ANK3: variants seen among roughly 807,000 people sequenced by gnomAD.
ANK3 encodes ankyrin-3.
In ANK3, 57 loss-of-function variants were observed where a neutral mutation model predicts 370.9. The observed-to-expected ratio is 0.15, with a 90% CI of 0.12 to 0.19. The LOEUF (loss-of-function observed/expected upper bound fraction) is 0.19, where lower values mean the gene tolerates loss of function less well. Among genes scored for constraint, ANK3 ranks in the 10% least tolerant of loss-of-function variants. The pLI, the probability that ANK3 is intolerant of heterozygous loss-of-function variation, is 1.00. For missense variants in ANK3, 4,439 were observed against 5,302.1 expected, an observed-to-expected ratio of 0.84 and a Z score of 5.06; for synonymous variants, 1,929 against 1,946.3, an observed-to-expected ratio of 0.99 and a Z score of 0.23.
At chr10:60,326,822 C>A (rs1255964279) in intron 1 of ANK3, among the ~76,000 whole-genome samples, 1 of 152,124 alleles carries the variant, frequency 6.6e-6, no homozygotes, top group Non-Finnish European at 1.5e-5. Context: ...GCTATCGAGA[C>A]CATCCTGGCT....
At chr10:60,247,582 GATATT>G (rs1461749882) in intron 7 of ANK3, among the ~76,000 whole-genome samples, 1 of 152,180 alleles carries the variant, frequency 6.6e-6, no homozygotes, top group African/African-American at 2.4e-5. Context: ...GACTACTATA[GATATT>G]ATAGATACCT....
At chr10:60,081,950 G>T in intron 35 of ANK3, 200 bp downstream of exon 35, 2 of 409,272 alleles carry the variant, frequency 4.9e-6, no homozygotes, top group Non-Finnish European at 8.6e-6. Flanking sequence ...TTATAATTTC[G>T]TTGAATATAT....
intron 1 of ANK3, among the ~76,000 whole-genome samples, chr10:60,656,797 G>A (rs758359388): frequency 3.3e-5 from 5 of 150,628 alleles, no homozygotes; most frequent in Non-Finnish European, 5.9e-5. Flanking sequence ...CTCTCATGTC[G>A]CCTTGACTGG....
intron 2 of ANK3, among the ~76,000 whole-genome samples, chr10:60,470,603 C>A (rs1363599456): frequency 6.6e-6 from 1 of 152,022 alleles, no homozygotes; most frequent in Non-Finnish European, 1.5e-5. Context: ...AGGACAATCA[C>A]CCCCGTGGCT....
intron 2 of ANK3, among the ~76,000 whole-genome samples, chr10:60,461,322 AATTAAG>A (rs1458168426): frequency 6.6e-6 from 1 of 152,180 alleles, no homozygotes; most frequent in Non-Finnish European, 1.5e-5. Context: ...AAATAATAAT[AATTAAG>A]ATTAAAAGAA....
At chr10:60,166,707 T>C in intron 22 of ANK3, 54 bp from the exon 23 acceptor site, 3 of 1,598,286 alleles carry the variant, frequency 1.9e-6, no homozygotes, top group South Asian at 2.2e-5. Flanking sequence ...ACTCTTGATA[T>C]TACAACAAAA....
chr10:60,394,394 G>T (rs2063172902), upstream of ANK3, among the ~76,000 whole-genome samples: 1 of 151,996 alleles, frequency 6.6e-6, no homozygotes, highest in South Asian at 2.1e-4. Context: ...TACACCCCTT[G>T]TAGGGGGTGG....
At chr10:60,338,797 A>C (rs1191697293) in intron 1 of ANK3, among the ~76,000 whole-genome samples, 1 of 152,170 alleles carries the variant, frequency 6.6e-6, no homozygotes, top group Non-Finnish European at 1.5e-5. Flanking sequence ...CCATAGCGGG[A>C]GTTTAATCCC....
chr10:60,039,447 T>A (rs2131856449), intron 43 of ANK3, among the ~76,000 whole-genome samples: 1 of 152,328 alleles, frequency 6.6e-6, no homozygotes, highest in South Asian at 2.1e-4. Context: ...AATGAAGTCT[T>A]GCTTTGTTTA....
At chr10:60,219,934 A>G (rs1262436231) in intron 8 of ANK3, among the ~76,000 whole-genome samples, 1 of 152,218 alleles carries the variant, frequency 6.6e-6, no homozygotes, top group Non-Finnish European at 1.5e-5. Flanking sequence ...TAATTTGAAC[A>G]TTCTTTGGAG....
intron 1 of ANK3, among the ~76,000 whole-genome samples, chr10:60,386,043 G>A (rs950024789): frequency 7.9e-5 from 12 of 152,154 alleles, no homozygotes; most frequent in South Asian, 2.1e-4. Context: ...TGTGACTTCA[G>A]CCCATCATGG....
intron 1 of ANK3, among the ~76,000 whole-genome samples, chr10:60,668,683 G>A (rs528724817): frequency 8.1e-4 from 124 of 152,230 alleles, no homozygotes; most frequent in South Asian, 4.8e-3. Context: ...AGAAAGCTTT[G>A]TCCAAGATTC....
chr10:60,491,443 T>C (rs1406298372), intron 2 of ANK3, among the ~76,000 whole-genome samples: 1 of 152,200 alleles, frequency 6.6e-6, no homozygotes, highest in East Asian at 1.9e-4. Flanking sequence ...ATAATAACAT[T>C]TTCAAGGCAT....
At chr10:60,725,292 CAAGCAATG>C (rs1564625533) in intron 1 of ANK3, among the ~76,000 whole-genome samples, 1 of 152,158 alleles carries the variant, frequency 6.6e-6, no homozygotes, top group African/African-American at 2.4e-5. Context: ...TCCTCTCCCC[CAAGCAATG>C]CTCACTCAGT....
At chr10:60,439,078 G>A (rs369077818) in intron 2 of ANK3, among the ~76,000 whole-genome samples, 1 of 152,026 alleles carries the variant, frequency 6.6e-6, no homozygotes, top group African/African-American at 2.4e-5. Flanking sequence ...TCCAACTGAA[G>A]AAAGAAAGAG....
At chr10:60,142,280 T>C (rs1171439656) in intron 23 of ANK3, among the ~76,000 whole-genome samples, 2 of 152,192 alleles carry the variant, frequency 1.3e-5, no homozygotes, top group African/African-American at 4.8e-5. Context: ...GGAAACTTTA[T>C]CGTTTTTTCC....
chr10:60,214,955 T>C (rs2096913458), intron 8 of ANK3, among the ~76,000 whole-genome samples: 3 of 152,230 alleles, frequency 2.0e-5, no homozygotes. Context: ...CCACAATGAT[T>C]GAACTAATTT....
intron 2 of ANK3, among the ~76,000 whole-genome samples, chr10:60,526,617 G>A (rs2076477599): frequency 6.6e-6 from 1 of 152,082 alleles, no homozygotes; most frequent in African/African-American, 2.4e-5. Context: ...ATTCTAAAGA[G>A]GTTGTTAGGA....
At chr10:60,125,169 C>T (rs1254428919) in intron 25 of ANK3, among the ~76,000 whole-genome samples, 1 of 152,016 alleles carries the variant, frequency 6.6e-6, no homozygotes, top group Non-Finnish European at 1.5e-5. Context: ...TTTTCCCTTA[C>T]GGTATTTATT....
Sources: gnomAD v4.1 joint callset for allele counts (sites outside exome capture counted in the v4.1 genomes callset) on GRCh38, gnomAD v4.1.1 for gene constraint, MANE v1.5 for transcripts, NCBI Gene and HGNC (gene_info 2026-07-23, HGNC 2026-07-21) for gene names.